The following FAM118B variants were observed in gnomAD, a reference collection of about 807,000 sequenced individuals.
FAM118B encodes SIR2 antiphage like 1.
FAM118B carries 24 observed loss-of-function variants against 38.5 expected under a neutral mutation model. The observed-to-expected ratio is 0.62, with a 90% CI of 0.45 to 0.88. The LOEUF (loss-of-function observed/expected upper bound fraction) is 0.88. Ranked by LOEUF, FAM118B falls within the 40% of genes least tolerant of loss-of-function variation. The probability of loss-of-function intolerance (pLI) is 0.00; values close to 1 mark genes in which losing one functional copy is unlikely to be tolerated. For synonymous variants in FAM118B, 138 were observed against 156.3 expected (o/e 0.88, Z 0.87); for missense variants, 334 against 420.0 (o/e 0.80, Z 1.79).
intron 7 of FAM118B, chr11:126,260,865 C>G (rs1236897614): frequency 6.6e-6 from 1 of 152,266 alleles, no homozygotes; most frequent in Non-Finnish European, 1.5e-5. Context: ...CATAAAAATA[C>G]TGTATAATCT....
At chr11:126,257,903 G>A (rs1024018821) in intron 7 of FAM118B, among the ~76,000 whole-genome samples, 3 of 152,070 alleles carry the variant, frequency 2.0e-5, no homozygotes, top group African/African-American at 7.2e-5. Flanking sequence ...GTGGCTGCAG[G>A]CAAATTCCCA....
chr11:126,215,046 A>AGGC (rs1949960787), intron 1 of FAM118B, among the ~76,000 whole-genome samples: 1 of 152,204 alleles, frequency 6.6e-6, no homozygotes, highest in Non-Finnish European at 1.5e-5. Context: ...AGATTAAAGG[A>AGGC]GGCAATTAGC....
At chr11:126,221,748 A>G (rs1411002091) in intron 1 of FAM118B, among the ~76,000 whole-genome samples, 1 of 152,128 alleles carries the variant, frequency 6.6e-6, no homozygotes, top group African/African-American at 2.4e-5. Flanking sequence ...CATTTAGGAA[A>G]CAGGGAAGAC....
chr11:126,226,067 A>ACGTGGCG (rs1388739557), intron 1 of FAM118B, among the ~76,000 whole-genome samples: 41 of 151,640 alleles, frequency 2.7e-4, no homozygotes, highest in Admixed American at 6.6e-4. Flanking sequence ...CCAAAAAGGA[A>ACGTGGCG]CATGGCGCAA....
chr11:126,235,526 CT>C (rs1306747629), intron 3 of FAM118B, among the ~76,000 whole-genome samples: 2 of 149,046 alleles, frequency 1.3e-5, no homozygotes, highest in Non-Finnish European at 1.5e-5. Context: ...GTTCAATCCA[CT>C]TTTTTTTTTG....
At chr11:126,262,076 GT>G in intron 8 of FAM118B, 43 bp from the exon 9 acceptor site, 3 of 1,611,984 alleles carry the variant, frequency 1.9e-6, no homozygotes, top group Non-Finnish European at 2.5e-6. Flanking sequence ...GTATAAACCT[GT>G]TTTGTGAAAC....
intron 1 of FAM118B, among the ~76,000 whole-genome samples, chr11:126,214,006 C>T (rs1949929603): frequency 6.6e-6 from 1 of 152,122 alleles, no homozygotes; most frequent in Admixed American, 6.5e-5. Flanking sequence ...AATGTTTCTC[C>T]GGTGAGTCTA....
intron 1 of FAM118B, among the ~76,000 whole-genome samples, chr11:126,221,890 T>C (rs2135131677): frequency 6.6e-6 from 1 of 152,212 alleles, no homozygotes; most frequent in East Asian, 1.9e-4. Context: ...TTATCTCCCA[T>C]AAAGCTTTCC....
chr11:126,247,844 C>T (rs1216926299), intron 4 of FAM118B, among the ~76,000 whole-genome samples: 2 of 140,106 alleles, frequency 1.4e-5, no homozygotes, highest in East Asian at 2.3e-4. Flanking sequence ...GGTGACAGAT[C>T]GAGACTCCAT....
At chr11:126,228,220 A>G (rs775771232) in intron 1 of FAM118B, among the ~76,000 whole-genome samples, 2 of 149,342 alleles carry the variant, frequency 1.3e-5, no homozygotes, top group African/African-American at 4.9e-5. Context: ...GTTTTTTGAG[A>G]CAGGGTCTCG....
intron 4 of FAM118B, chr11:126,241,247 A>C: frequency 2.0e-6 from 1 of 491,282 alleles, no homozygotes; most frequent in East Asian, 3.0e-5. Flanking sequence ...ACCCCATTTC[A>C]CTGTGTGTCT....
intron 4 of FAM118B, among the ~76,000 whole-genome samples, chr11:126,248,773 C>T (rs1329978318): frequency 6.6e-6 from 1 of 152,206 alleles, no homozygotes; most frequent in Non-Finnish European, 1.5e-5. Flanking sequence ...TTAATCACGT[C>T]TTACTAGGTC....
At chr11:126,232,479 G>A (rs1419534803) in intron 2 of FAM118B, among the ~76,000 whole-genome samples, 30 of 152,042 alleles carry the variant, frequency 2.0e-4, no homozygotes, top group Non-Finnish European at 1.0e-4. Context: ...GCTGAATTGA[G>A]CATTGAATTC....
chr11:126,234,643 A>G (rs1320451003), intron 2 of FAM118B, among the ~76,000 whole-genome samples: 1 of 152,160 alleles, frequency 6.6e-6, no homozygotes, highest in Non-Finnish European at 1.5e-5. Context: ...CCGCAAACCC[A>G]TCTTGTGGGA....
rs750054741 is a variant in FAM118B, at chr11:126,244,175, TCAG to T, written c.339+3137_339+3139del. ...AAAGACTGGATTTTTTCCACTAAGA[TCAG>T]CAGCAAGACAAGGCTGTTTTCCCAC... is the stretch of plus-strand genomic sequence containing the variant. On this transcript the variant is annotated intron_variant, in intron 4 of 8. Coordinates refer to ENST00000533050, the MANE Select transcript of FAM118B (RefSeq NM_024556.4). The surrounding 1 kb of genome is among the most constrained non-coding windows in gnomAD (Gnocchi z 4.5). 1.3e-4 allele frequency among the ~76,000 whole-genome samples: 20 copies of T among 152,250 alleles called. No individual in the cohort carries two copies. The South Asian group carries it at 2.3e-3, about 17-fold the overall frequency.
chr11:126,258,282 G>A (rs886297264), intron 7 of FAM118B, among the ~76,000 whole-genome samples: 1 of 152,176 alleles, frequency 6.6e-6, no homozygotes, highest in African/African-American at 2.4e-5. Context: ...AGCTGCTTGG[G>A]AGGTTGAGGC....
intron 4 of FAM118B, among the ~76,000 whole-genome samples, chr11:126,241,695 A>G (rs1413739353): frequency 2.0e-5 from 3 of 152,008 alleles, no homozygotes; most frequent in Non-Finnish European, 4.4e-5. Flanking sequence ...GATTACAGGC[A>G]TGTGCCACCA....
Position 126,252,338 on chromosome 11 carries a change from A to T in FAM118B, c.567+1605A>T, listed in dbSNP as rs1950516216. Among the ~76,000 whole-genome samples the T allele has an allele frequency of 6.6e-6, 1 of 152,212 alleles. No homozygotes were observed. Among genetic ancestry groups the T allele is most frequent in the Admixed American group, 6.5e-5 (1 of 15,278 alleles). On this transcript the variant is annotated intron_variant, in intron 5 of 8. Transcript: ENST00000533050. The surrounding 1 kb of genome is among the most constrained non-coding windows in gnomAD (Gnocchi z 4.7). The stretch of plus-strand genomic sequence containing the variant: ...TTTTCTGACTGTTTACCCCATAGGA[A>T]TAGTAACTTCACTTGGATAGGTATC...
rs11220426 is a variant in FAM118B at position 126,255,259 on chromosome 11, C to T, written c.696+826C>T. On this transcript the variant is annotated intron_variant, in intron 6 of 8. Coordinates refer to ENST00000533050, the MANE Select transcript of FAM118B (RefSeq NM_024556.4). This position sits in a 1 kb window ranked among gnomAD's most constrained non-coding sequence, Gnocchi z 4.6. ...TAAACATGTTCAAACCAGAAGTATT[C>T]GCTGCCCCCAGCTCTAAGAATCTTG... Among the ~76,000 whole-genome samples, 11,983 of 152,236 alleles carry T rather than the reference C, an allele frequency of 0.079. 586 individuals carry two copies. Among genetic ancestry groups the T allele is most frequent in the South Asian group, 0.14 (662 of 4,824 alleles).
Sources: gnomAD v4.1 joint callset for allele counts (sites outside exome capture counted in the v4.1 genomes callset) on GRCh38, gnomAD v4.1.1 for gene constraint, Gnocchi (gnomAD v3.1) non-coding constraint, MANE v1.5 for transcripts, NCBI Gene and HGNC (gene_info 2026-07-23, HGNC 2026-07-21) for gene names.